Variants in AKAP19 observed in about 807,000 individuals in gnomAD.
The protein encoded by AKAP19 is A-kinase anchoring protein 19, also known as small A-kinase anchoring protein.
At chr2:189,945,279 C>T in the AKAP19 span, among the ~76,000 whole-genome samples, 3 of 152,102 alleles carry the variant, frequency 2.0e-5, no homozygotes, top group Admixed American at 2.0e-4. Flanking sequence ...CAAAACAAAA[C>T]AAAACAGTTC....
chr2:189,910,978 A>C, the AKAP19 span, among the ~76,000 whole-genome samples: 1 of 152,144 alleles, frequency 6.6e-6, no homozygotes, highest in Non-Finnish European at 1.5e-5. Flanking sequence ...TACTTCTCTA[A>C]AGGAAATTCC....
chr2:190,034,660 CATG>C, the AKAP19 span, among the ~76,000 whole-genome samples: 1 of 150,500 alleles, frequency 6.6e-6, no homozygotes, highest in African/African-American at 2.4e-5. Flanking sequence ...GCCTGGCCAA[CATG>C]ACGAAACCCC....
chr2:190,148,365 T>C, the AKAP19 span, among the ~76,000 whole-genome samples: 143,205 of 152,286 alleles, frequency 0.94, 68,013 homozygotes, highest in East Asian at 1. Flanking sequence ...CCCAATTGAT[T>C]ATGGTGGATT....
the AKAP19 span, among the ~76,000 whole-genome samples, chr2:190,097,859 C>CAAAAAAAAAAAAAA: frequency 2.2e-4 from 14 of 64,470 alleles, no homozygotes; most frequent in African/African-American, 9.0e-4. Context: ...TGGTTTCTAC[C>CAAAAAAAAAAAAAA]AAAAAAAAAA....
At chr2:190,065,216 C>T in the AKAP19 span, among the ~76,000 whole-genome samples, 1 of 152,066 alleles carries the variant, frequency 6.6e-6, no homozygotes, top group Non-Finnish European at 1.5e-5. Flanking sequence ...TGCTGACGTG[C>T]TGCGTGGTGT....
the AKAP19 span, among the ~76,000 whole-genome samples, chr2:190,029,082 C>T: frequency 6.6e-6 from 1 of 150,386 alleles, no homozygotes; most frequent in Non-Finnish European, 1.5e-5. Flanking sequence ...GACGGAGTCT[C>T]ACTCTTGTTG....
the AKAP19 span, among the ~76,000 whole-genome samples, chr2:189,944,467 C>T: frequency 6.6e-6 from 1 of 152,112 alleles, no homozygotes; most frequent in East Asian, 1.9e-4. Context: ...AATTAAACCT[C>T]TTTTCTTTGT....
chr2:189,927,464 C>T, the AKAP19 span, among the ~76,000 whole-genome samples: 1 of 152,078 alleles, frequency 6.6e-6, no homozygotes, highest in Non-Finnish European at 1.5e-5. Flanking sequence ...TGATTTTATG[C>T]AGCTATTCTT....
chr2:189,905,587 T>C, the AKAP19 span, among the ~76,000 whole-genome samples: 46 of 152,166 alleles, frequency 3.0e-4, 1 homozygote, highest in Middle Eastern at 3.4e-3. Flanking sequence ...ATTACCAGTA[T>C]TGAAATTTTA....
chr2:189,915,980 C>CAT, the AKAP19 span, among the ~76,000 whole-genome samples: 1 of 152,126 alleles, frequency 6.6e-6, no homozygotes, highest in African/African-American at 2.4e-5. Flanking sequence ...TTACCCAACA[C>CAT]ATAGAATATA....
At chr2:189,984,511 A>G in the AKAP19 span, among the ~76,000 whole-genome samples, 2 of 152,096 alleles carry the variant, frequency 1.3e-5, no homozygotes, top group Non-Finnish European at 2.9e-5. Flanking sequence ...AGATTTCATA[A>G]TGCACAAACA....
At chr2:189,953,657 A>C in the AKAP19 span, among the ~76,000 whole-genome samples, 2 of 152,010 alleles carry the variant, frequency 1.3e-5, no homozygotes, top group East Asian at 1.9e-4. Context: ...AAAAAAAAAA[A>C]AACAAAGACT....
the AKAP19 span, among the ~76,000 whole-genome samples, chr2:190,114,644 G>C: frequency 5.3e-5 from 8 of 152,268 alleles, 1 homozygote; most frequent in South Asian, 1.7e-3. Context: ...TTTTAGTAGA[G>C]ACGGGGTTTC....
the AKAP19 span, among the ~76,000 whole-genome samples, chr2:190,143,445 C>T: frequency 6.6e-6 from 1 of 152,160 alleles, no homozygotes; most frequent in Non-Finnish European, 1.5e-5. Flanking sequence ...AGGAAGCCTT[C>T]CTTGGCAAAT....
At chr2:189,971,046 C>T in the AKAP19 span, among the ~76,000 whole-genome samples, 4 of 152,170 alleles carry the variant, frequency 2.6e-5, no homozygotes, top group East Asian at 7.7e-4. Context: ...AGGTTTGTTA[C>T]ATATGTATAC....
At chr2:189,977,997 G>A in the AKAP19 span, among the ~76,000 whole-genome samples, 3 of 152,158 alleles carry the variant, frequency 2.0e-5, no homozygotes, top group African/African-American at 7.2e-5. Context: ...TTTTGTGTTA[G>A]AAGATTTTGC....
the AKAP19 span, chr2:190,062,710 C>T: frequency 1.1e-6 from 1 of 948,756 alleles, no homozygotes; most frequent in Non-Finnish European, 1.6e-6. Flanking sequence ...TGAGAGACAA[C>T]TTGCCACACC....
the AKAP19 span, among the ~76,000 whole-genome samples, chr2:190,089,159 C>T: frequency 9.2e-5 from 14 of 152,224 alleles, no homozygotes; most frequent in African/African-American, 3.1e-4. Context: ...TCTCTTTGTA[C>T]CTAAATGTAA....
chr2:189,901,449 T>C, the AKAP19 span, among the ~76,000 whole-genome samples: 2 of 152,150 alleles, frequency 1.3e-5, no homozygotes, highest in South Asian at 4.1e-4. Flanking sequence ...GCTATTCTCC[T>C]GCCTCAGCCT....
Sources: allele counts gnomAD v4.1 joint callset (sites outside exome capture counted in the v4.1 genomes callset), GRCh38; gene constraint gnomAD v4.1.1; transcripts MANE v1.5; gene names NCBI Gene and HGNC (gene_info 2026-07-23, HGNC 2026-07-21).